CLIP4: variants seen among roughly 807,000 people sequenced by gnomAD.
CLIP4 encodes CAP-Gly domain-containing linker protein 4.
In CLIP4, 47 loss-of-function variants were observed where a neutral mutation model predicts 73.1. That is an observed-to-expected ratio of 0.64 (90% CI 0.51 to 0.82). The LOEUF (loss-of-function observed/expected upper bound fraction) is 0.82, where lower values mean the gene tolerates loss of function less well. Ranked by LOEUF, CLIP4 falls within the 40% of genes least tolerant of loss-of-function variation. CLIP4 has a pLI of 0.00. For missense variants in CLIP4, 874 were observed against 852.9 expected (o/e 1.02, Z -0.31); for synonymous variants, 306 against 295.4 (o/e 1.04, Z -0.37).
At chr2:29,167,407 T>G in intron 13 of CLIP4, 69 bp from the exon 14 acceptor site, 1 of 1,072,062 alleles carries the variant, frequency 9.3e-7, no homozygotes, top group Non-Finnish European at 1.4e-6. Flanking sequence ...GTGAAAAACT[T>G]AGTTGATAAC....
intron 8 of CLIP4, among the ~76,000 whole-genome samples, chr2:29,149,201 C>G (rs2148013317): frequency 6.6e-6 from 1 of 152,246 alleles, no homozygotes; most frequent in East Asian, 1.9e-4. Flanking sequence ...AATAAACAGG[C>G]AGTAGCCAGG....
In CLIP4 at chr2:29,183,566, T is replaced by G. The variant is rs1668741884; in HGVS notation, c.*1673T>G. 1 of 152,664 alleles carries G rather than the reference T, an allele frequency of 6.6e-6. No homozygotes were observed. Among genetic ancestry groups the G allele is most frequent in the African/African-American group, 2.4e-5 (1 of 41,464 alleles). 9.5% of individuals were successfully genotyped at this position (152,664 alleles called of 1,614,324 possible). A position where few individuals can be genotyped will look rare whatever the true frequency, so the allele number is the denominator to read the frequency against. On this transcript the variant is annotated 3_prime_UTR_variant, in exon 16 of 16. Coordinates refer to ENST00000320081, the MANE Select transcript of CLIP4 (RefSeq NM_024692.6). ...ACCAAACTTGGTTATTCATAATTTT[T>G]CCTGTTAAATATAAAACACTGTAAG...
intron 6 of CLIP4, among the ~76,000 whole-genome samples, chr2:29,140,564 G>T (rs1665691766): frequency 6.6e-6 from 1 of 152,176 alleles, no homozygotes; most frequent in Non-Finnish European, 1.5e-5. Flanking sequence ...CTTTATAGCA[G>T]CATGATTTAT....
chr2:29,130,215 G>T (rs1372894161), intron 2 of CLIP4, among the ~76,000 whole-genome samples: 2 of 152,052 alleles, frequency 1.3e-5, no homozygotes, highest in African/African-American at 2.4e-5. Flanking sequence ...GCTTCACAGG[G>T]GTCTTCTTCT....
At chr2:29,172,823 A>G (rs1005574799) in intron 14 of CLIP4, among the ~76,000 whole-genome samples, 2 of 152,078 alleles carry the variant, frequency 1.3e-5, no homozygotes, top group Non-Finnish European at 2.9e-5. Flanking sequence ...CTCTTCAGCT[A>G]TGTTTATTCT....
chr2:29,143,221 G>A (rs1398994862), intron 6 of CLIP4, among the ~76,000 whole-genome samples: 1 of 152,258 alleles, frequency 6.6e-6, no homozygotes, highest in East Asian at 1.9e-4. Flanking sequence ...TAGGACCTGA[G>A]CACCGCTCCC....
At chr2:29,177,688 C>G (rs940309232) in intron 15 of CLIP4, among the ~76,000 whole-genome samples, 1 of 152,152 alleles carries the variant, frequency 6.6e-6, no homozygotes, top group African/African-American at 2.4e-5. Context: ...ACTAATGTGT[C>G]TTTCTTGAGG....
chr2:29,156,500 A>C, intron 10 of CLIP4, 57 bp downstream of exon 10: 1 of 1,248,216 alleles, frequency 8.0e-7, no homozygotes, highest in Non-Finnish European at 1.1e-6. Flanking sequence ...GAACTTTAAA[A>C]TATGGTAGGA....
At chr2:29,111,433 T>G (rs1035842912), upstream of CLIP4, among the ~76,000 whole-genome samples, 6 of 152,348 alleles carry the variant, frequency 3.9e-5, no homozygotes, top group Admixed American at 2.0e-4. Flanking sequence ...GTTAGGACTT[T>G]TCCTTCCCTG....
At chr2:29,136,132 A>G (rs1428581343) in intron 6 of CLIP4, among the ~76,000 whole-genome samples, 3 of 151,830 alleles carry the variant, frequency 2.0e-5, no homozygotes, top group Admixed American at 6.6e-5. Flanking sequence ...AATTTCACTA[A>G]TTTACAGAGT....
At chr2:29,152,567 G>A in intron 8 of CLIP4, 118 bp from the exon 9 acceptor site, 1 of 1,003,114 alleles carries the variant, frequency 1.0e-6, no homozygotes, top group Non-Finnish European at 1.4e-6. Flanking sequence ...CTCATCATAG[G>A]ACATGCAGTG....
rs1665452143 is a variant in CLIP4 at position 29,137,488 on chromosome 2, A to C, written c.648+1822A>C. 2.0e-5 allele frequency among the ~76,000 whole-genome samples: 3 copies of C among 152,246 alleles called. No individual in the cohort carries two copies. The South Asian group carries it at 6.2e-4, about 32-fold the overall frequency. On this transcript the variant is annotated intron_variant, in intron 6 of 15. Transcript: ENST00000320081. ...TGAATCGTGCTGTGAAAAACATATG[A>C]GTGCAGTGTCTTTTTGGTAAAATAA...
At chr2:29,157,774 A>G (rs1667025392) in intron 11 of CLIP4, among the ~76,000 whole-genome samples, 1 of 152,248 alleles carries the variant, frequency 6.6e-6, no homozygotes, top group African/African-American at 2.4e-5. Flanking sequence ...GTGAACCTGC[A>G]TAATCTCACT....
intron 12 of CLIP4, 75 bp downstream of exon 12, chr2:29,160,542 A>G (rs1667220412): frequency 1.3e-6 from 2 of 1,512,526 alleles, no homozygotes; most frequent in East Asian, 2.3e-5. Context: ...TGTAAATAGA[A>G]TTTAATTGTA....
chr2:29,101,295 C>G (rs796900828), intron 1 of CLIP4, among the ~76,000 whole-genome samples: 2 of 120,532 alleles, frequency 1.7e-5, no homozygotes, highest in Admixed American at 1.7e-4. Flanking sequence ...TTCCCCCCCC[C>G]AAAACAAAAA....
Position 29,178,410 on chromosome 2 carries a change from A to T in CLIP4, c.1797-3162A>T, listed in dbSNP as rs186525628. Among the ~76,000 whole-genome samples, 30 of 152,114 alleles carry T rather than the reference A, an allele frequency of 2.0e-4. No individual in the cohort carries two copies. In the East Asian group the frequency reaches 4.8e-3, roughly 25 times the overall value. On this transcript the variant is annotated intron_variant, in intron 15 of 15. Coordinates refer to ENST00000320081, the MANE Select transcript of CLIP4 (RefSeq NM_024692.6). ...TAGCCAGGCTGGTCTCGAATTCCTG[A>T]CCTCAGGTGATCCACCTGCCTCAGC...
At position 29,181,639 on chromosome 2, in the gene CLIP4, A is replaced by C; in HGVS notation, c.1864A>C (p.Lys622Gln). Residue 622 changes from lysine to glutamine, a missense_variant, in exon 16 of 16, where the codon AAG becomes CAG. Lys to Gln is a moderately conservative substitution (Grantham distance 53). Coordinates refer to ENST00000320081, the MANE Select transcript of CLIP4 (RefSeq NM_024692.6). ...CGCAGGTGGCATTGAAGGGAGCGTG[A>C]AGCTGCACGAGGGGTCTCAGGTCCT... Reference protein sequence around the residue: ...PTAGGIEGSVKLHEGSQVLLT... With the variant: ...PTAGGIEGSVQLHEGSQVLLT... 6.2e-7 allele frequency: 1 copy of C among 1,614,116 alleles called. No individual in the cohort carries two copies. Among genetic ancestry groups the C allele is most frequent in the Non-Finnish European group, 8.5e-7 (1 of 1,179,996 alleles).
chr2:29,106,520 C>G (rs80263318), intron 1 of CLIP4, among the ~76,000 whole-genome samples: 4,082 of 152,166 alleles, frequency 0.027, 148 homozygotes, highest in East Asian at 0.091. Context: ...CTTGGAGGCA[C>G]GTATTCTTTA....
chr2:29,143,555 G>T (rs1317780430), intron 6 of CLIP4, among the ~76,000 whole-genome samples, 154 bp from the exon 7 acceptor site: 1 of 152,136 alleles, frequency 6.6e-6, no homozygotes, highest in African/African-American at 2.4e-5. Flanking sequence ...TTAGCACCTA[G>T]AATGGTGTCT....
Sources: allele counts gnomAD v4.1 joint callset (sites outside exome capture counted in the v4.1 genomes callset), GRCh38; gene constraint gnomAD v4.1.1; transcripts MANE v1.5; gene names NCBI Gene and HGNC (gene_info 2026-07-23, HGNC 2026-07-21).